Variants in RNF128 observed in about 807,000 individuals in gnomAD.
The protein encoded by RNF128 is ring finger protein 128.
Under a neutral mutation model 26.2 loss-of-function variants are expected in RNF128, and 13 were observed. The ratio of observed to expected loss-of-function variants is 0.50; its 90% confidence interval spans 0.32 to 0.79. The LOEUF is 0.79. RNF128 is among the 30% of genes least tolerant of loss of function. The pLI is 0.03. For synonymous variants in RNF128, 149 were observed against 142.5 expected (o/e 1.05, Z -0.32); for missense variants, 315 against 349.7 (o/e 0.90, Z 0.79).
intron 2 of RNF128, among the ~76,000 whole-genome samples, chrX:106,783,637 T>C (rs1477168316): frequency 9.0e-6 from 1 of 111,374 alleles, no homozygotes; most frequent in Non-Finnish European, 1.9e-5. Context: ...ATGCTACCAT[T>C]ATATTCCACA....
chrX:106,729,552 T>C (rs1929468741), intron 1 of RNF128, among the ~76,000 whole-genome samples: 1 of 111,421 alleles, frequency 9.0e-6, no homozygotes, highest in Admixed American at 9.6e-5. Flanking sequence ...AATCTAACTA[T>C]GGGTGTTGTG....
intron 1 of RNF128, among the ~76,000 whole-genome samples, chrX:106,702,578 C>T (rs766842118): frequency 2.7e-5 from 3 of 111,503 alleles, no homozygotes; most frequent in Non-Finnish European, 3.8e-5. Context: ...TTCCTTCATT[C>T]GAAGAGTACA....
intron 1 of RNF128, among the ~76,000 whole-genome samples, chrX:106,698,495 A>G (rs956280857): frequency 8.9e-6 from 1 of 111,794 alleles, no homozygotes; most frequent in African/African-American, 3.3e-5. Flanking sequence ...AGCATGGTAT[A>G]TAAATGAAGT....
chrX:106,732,815 T>C (rs184299866), intron 1 of RNF128, among the ~76,000 whole-genome samples: 4 of 112,021 alleles, frequency 3.6e-5, no homozygotes, highest in Non-Finnish European at 7.5e-5. Flanking sequence ...GGGTGTTTTA[T>C]TTTTTTGATC....
At chrX:106,735,580 C>G (rs183551929) in intron 1 of RNF128, among the ~76,000 whole-genome samples, 1 of 111,113 alleles carries the variant, frequency 9.0e-6, no homozygotes, top group Non-Finnish European at 1.9e-5. Flanking sequence ...CAGAAAAATT[C>G]GTAGTTTTAA....
At chrX:106,769,369 A>G (rs1033984738) in intron 1 of RNF128, among the ~76,000 whole-genome samples, 3 of 110,610 alleles carry the variant, frequency 2.7e-5, no homozygotes, top group African/African-American at 9.9e-5. Context: ...GTAGGTCTCT[A>G]AGGACTTGCT....
rs746779370 is a variant in RNF128, at chrX:106,762,555, C to T, written c.485-10358C>T. Among the ~76,000 whole-genome samples the T allele has an allele frequency of 3.2e-3, 357 of 110,890 alleles. 1 individual carries two copies. Among genetic ancestry groups the T allele is most frequent in the African/African-American group, 9.0e-3 (275 of 30,568 alleles). Reference sequence around the variant, plus strand: ...CTTGAACTCCTGACCTCAGGTGATCCGCCCCCCATCGGCCTCCCAAAGTGC... The same window carrying T: ...CTTGAACTCCTGACCTCAGGTGATCTGCCCCCCATCGGCCTCCCAAAGTGC... On this transcript the variant is annotated intron_variant, in intron 1 of 6. Transcript: ENST00000255499.
chrX:106,744,155 C>T (rs991708281), intron 1 of RNF128, among the ~76,000 whole-genome samples: 16 of 111,042 alleles, frequency 1.4e-4, no homozygotes, highest in Non-Finnish European at 9.4e-5. Context: ...ATGTAAATGA[C>T]GAGTTAGTGG....
chrX:106,737,534 G>A lies in RNF128; in HGVS notation c.484+10137G>A, dbSNP rs772890747. ...AATGCTATGTAAATAGTTGTTAATA[G>A]CATTGTTTAGGGAATAATGACAAGA... On this transcript the variant is annotated intron_variant, in intron 1 of 6. Transcript: ENST00000255499. 1.7e-4 allele frequency among the ~76,000 whole-genome samples: 19 copies of A among 111,720 alleles called. No homozygotes were observed. The South Asian group carries it at 7.2e-3, about 42-fold the overall frequency.
intron 1 of RNF128, among the ~76,000 whole-genome samples, chrX:106,733,351 T>C (rs1336337942): frequency 1.8e-5 from 2 of 111,410 alleles, no homozygotes; most frequent in Non-Finnish European, 3.8e-5. Context: ...GATATGTGTT[T>C]TCAATACAGA....
At chrX:106,708,820 T>G (rs963175057) in intron 1 of RNF128, among the ~76,000 whole-genome samples, 4 of 112,094 alleles carry the variant, frequency 3.6e-5, no homozygotes, top group African/African-American at 9.7e-5. Flanking sequence ...AAGGATATAT[T>G]TAAAAATACA....
intron 1 of RNF128, among the ~76,000 whole-genome samples, chrX:106,741,851 G>A (rs1929707517): frequency 8.9e-6 from 1 of 112,056 alleles, no homozygotes; most frequent in Non-Finnish European, 1.9e-5. Context: ...CATAGTTTAT[G>A]AAGGACAAAT....
At chrX:106,732,671 G>A (rs180947747) in intron 1 of RNF128, among the ~76,000 whole-genome samples, 5 of 111,920 alleles carry the variant, frequency 4.5e-5, no homozygotes, top group Admixed American at 9.5e-5. Context: ...GGAATAGAGT[G>A]TACACATACT....
At chrX:106,788,653 A>G (rs1318780923) in intron 4 of RNF128, among the ~76,000 whole-genome samples, 1 of 65,322 alleles carries the variant, frequency 1.5e-5, no homozygotes, top group African/African-American at 6.4e-5. Flanking sequence ...ATAATATATA[A>G]TTATATATAC....
intron 1 of RNF128, among the ~76,000 whole-genome samples, chrX:106,704,431 CAG>C (rs369046996): frequency 4.5e-4 from 12 of 26,654 alleles, no homozygotes; most frequent in African/African-American, 1.8e-3. Context: ...GACTCTGTCT[CAG>C]AAAAAAAAAA....
At chrX:106,771,997 C>A (rs1030896447) in intron 1 of RNF128, among the ~76,000 whole-genome samples, 1 of 112,048 alleles carries the variant, frequency 8.9e-6, no homozygotes, top group African/African-American at 3.2e-5. Flanking sequence ...TTGGTTATAC[C>A]TTAACATTCA....
chrX:106,718,381 T>C (rs1359118785), intron 1 of RNF128, among the ~76,000 whole-genome samples: 1 of 111,928 alleles, frequency 8.9e-6, no homozygotes, highest in African/African-American at 3.2e-5. Context: ...AGACTTTCTG[T>C]GGCTCTAGAG....
In RNF128 at chrX:106,796,611, G is replaced by T. The variant is rs1317575848; in HGVS notation, c.*898G>T. ...TACTTTGAAAATTGAGTTTATGTTT[G>T]ACCTAAATGGGCTAAAATTACATTA... is the stretch of plus-strand genomic sequence containing the variant. On this transcript the variant is annotated 3_prime_UTR_variant, in exon 7 of 7. Transcript: ENST00000255499. The T allele has an allele frequency of 4.5e-5, 5 of 111,810 alleles. No individual in the cohort carries two copies. The highest frequency in any genetic ancestry group is 3.8e-4 in the Admixed American group (4 of 10,441). The allele number at this position is 111,810 out of a possible 1,213,427, so 9.2% of individuals were successfully genotyped here. A position where few individuals can be genotyped will look rare whatever the true frequency, so the allele number is the denominator to read the frequency against.
rs761021494 is a variant in RNF128 at position 106,763,046 on chromosome X, G to A, written c.485-9867G>A. The stretch of plus-strand genomic sequence containing the variant: ...ATATGGCTTTACATGTTAGGCTAAG[G>A]AGTCAGATTGTAATGAGTAATTAGG... On this transcript the variant is annotated intron_variant, in intron 1 of 6. Coordinates refer to ENST00000255499, the MANE Select transcript of RNF128 (RefSeq NM_194463.2). Among the ~76,000 whole-genome samples, 8 of 108,757 alleles carry A rather than the reference G, an allele frequency of 7.4e-5. No individual in the cohort carries two copies. The East Asian group carries it at 2.4e-3, about 32-fold the overall frequency. The allele number at this position is 108,757 out of a possible 115,157, so 94.4% of individuals were successfully genotyped here.
Sources: allele counts gnomAD v4.1 joint callset (sites outside exome capture counted in the v4.1 genomes callset), GRCh38; gene constraint gnomAD v4.1.1; transcripts MANE v1.5; gene names NCBI Gene and HGNC (gene_info 2026-07-23, HGNC 2026-07-21).